The following LRP1B variants were observed in gnomAD, a reference collection of about 807,000 sequenced individuals.
LRP1B encodes LDL receptor related protein 1B, also known as low-density lipoprotein receptor-related protein 1B.
LRP1B carries 217 observed loss-of-function variants against 556.6 expected under a neutral mutation model. That is an observed-to-expected ratio of 0.39 (90% CI 0.35 to 0.44). LRP1B has a LOEUF of 0.44. Among genes scored for constraint, LRP1B ranks in the 20% least tolerant of loss-of-function variants. LRP1B has a pLI of 1.00. For synonymous variants in LRP1B, 2,047 were observed against 1,865.8 expected (o/e 1.10, Z -2.50); for missense variants, 5,053 against 5,620.8 (o/e 0.90, Z 3.23).
intron 3 of LRP1B, among the ~76,000 whole-genome samples, chr2:141,392,261 T>C (rs1690077834): frequency 6.6e-6 from 1 of 152,086 alleles, no homozygotes; most frequent in Non-Finnish European, 1.5e-5. Context: ...TAATTTTAGA[T>C]AAGTTATTTG....
intron 1 of LRP1B, among the ~76,000 whole-genome samples, chr2:142,016,903 C>T (rs12615774): frequency 3.8e-4 from 57 of 149,252 alleles, no homozygotes; most frequent in African/African-American, 1.3e-3. Flanking sequence ...TATACACACA[C>T]ATATATGTAT....
At chr2:142,128,250 T>C (rs1707725793) in intron 1 of LRP1B, among the ~76,000 whole-genome samples, 1 of 152,174 alleles carries the variant, frequency 6.6e-6, no homozygotes, top group African/African-American at 2.4e-5. Flanking sequence ...ACACTTCTGA[T>C]ATAGTTCATA....
chr2:140,371,743 C>T (rs890196660), intron 69 of LRP1B, among the ~76,000 whole-genome samples: 2 of 151,732 alleles, frequency 1.3e-5, no homozygotes, highest in Admixed American at 1.3e-4. Context: ...AGCACAAAGT[C>T]AAAATCTTGG....
chr2:142,121,150 G>T (rs929564520), intron 1 of LRP1B, among the ~76,000 whole-genome samples: 1 of 152,140 alleles, frequency 6.6e-6, no homozygotes, highest in Non-Finnish European at 1.5e-5. Context: ...GCAAATCTCT[G>T]TTGTAGCTTG....
intron 7 of LRP1B, among the ~76,000 whole-genome samples, chr2:141,090,499 C>A (rs767961324): frequency 6.6e-5 from 10 of 152,152 alleles, no homozygotes; most frequent in Non-Finnish European, 1.2e-4. Context: ...AAGATGCTAG[C>A]TTTTTGAAAA....
intron 77 of LRP1B, among the ~76,000 whole-genome samples, chr2:140,347,295 G>GA (rs545093323): frequency 4.0e-5 from 6 of 148,354 alleles, no homozygotes; most frequent in East Asian, 4.0e-4. Context: ...TTTCTTAAAC[G>GA]AAAAAAAAAT....
At chr2:141,974,751 C>A (rs547704262) in intron 1 of LRP1B, among the ~76,000 whole-genome samples, 1 of 152,040 alleles carries the variant, frequency 6.6e-6, no homozygotes, top group South Asian at 2.1e-4. Flanking sequence ...AGACAACTAG[C>A]CTGACAACTA....
chr2:141,246,823 G>T (rs2105325959), intron 5 of LRP1B, among the ~76,000 whole-genome samples: 1 of 152,198 alleles, frequency 6.6e-6, no homozygotes, highest in Admixed American at 6.5e-5. Context: ...AAATTAGCCA[G>T]GTATGGTGGT....
chr2:140,474,185 G>A (rs922825187), intron 60 of LRP1B, among the ~76,000 whole-genome samples: 1 of 151,818 alleles, frequency 6.6e-6, no homozygotes, highest in Admixed American at 6.6e-5. Context: ...CAGGAATATA[G>A]GTAAAATTAT....
chr2:141,324,683 G>T (rs1687373179), intron 3 of LRP1B, among the ~76,000 whole-genome samples: 1 of 152,062 alleles, frequency 6.6e-6, no homozygotes, highest in Non-Finnish European at 1.5e-5. Context: ...TCGAGGCAAG[G>T]ACATGAAGCC....
At chr2:140,556,425 T>C (rs1034016854) in intron 43 of LRP1B, among the ~76,000 whole-genome samples, 4 of 152,032 alleles carry the variant, frequency 2.6e-5, no homozygotes, top group Non-Finnish European at 5.9e-5. Flanking sequence ...GTCTAGTATA[T>C]TACTATTAGA....
At chr2:141,483,067 C>T (rs946871196) in intron 2 of LRP1B, among the ~76,000 whole-genome samples, 1 of 151,384 alleles carries the variant, frequency 6.6e-6, no homozygotes, top group African/African-American at 2.4e-5. Flanking sequence ...CACCCATTAA[C>T]TTGTCATTTA....
At position 141,503,453 on chromosome 2, in the gene LRP1B, C is replaced by A. The variant is rs111576398; in HGVS notation, c.206-22920G>T. On this transcript the variant is annotated intron_variant, in intron 2 of 90. Coordinates refer to ENST00000389484, the MANE Select transcript of LRP1B (RefSeq NM_018557.3). The stretch of plus-strand genomic sequence containing the variant: ...AATCTGAGAGTCAAATATCAATTGC[C>A]AAGTCTAAATTAAAATCTGTTACAT... Among the ~76,000 whole-genome samples, 867 of 151,770 alleles carry A rather than the reference C, an allele frequency of 5.7e-3. 14 individuals are homozygous for A. Among genetic ancestry groups the A allele is most frequent in the African/African-American group, 0.02 (830 of 41,432 alleles).
chr2:141,510,232 A>ACC (rs1341873506), intron 2 of LRP1B, among the ~76,000 whole-genome samples: 6 of 149,460 alleles, frequency 4.0e-5, no homozygotes, highest in African/African-American at 1.5e-4. Flanking sequence ...ACACACACAC[A>ACC]CACCCCCCAC....
intron 6 of LRP1B, chr2:141,208,191 T>C (rs1247746837): frequency 6.6e-6 from 1 of 152,260 alleles, no homozygotes; most frequent in African/African-American, 2.4e-5. Context: ...GGAGATGGAC[T>C]GATGGATAAC....
At chr2:140,248,271 A>G (rs916966685) in intron 86 of LRP1B, among the ~76,000 whole-genome samples, 17 of 151,800 alleles carry the variant, frequency 1.1e-4, no homozygotes, top group Admixed American at 3.3e-4. Context: ...ACAAAGTCAA[A>G]TAATAAACAT....
intron 1 of LRP1B, among the ~76,000 whole-genome samples, chr2:142,069,541 T>C (rs1375308294): frequency 6.6e-6 from 1 of 151,666 alleles, no homozygotes; most frequent in Admixed American, 6.6e-5. Flanking sequence ...CTGACATTCA[T>C]TCACTTAATC....
In LRP1B at chr2:140,352,841, A is replaced by C. The variant is rs1682034390; in HGVS notation, c.11650+112T>G. ...ACTGGCCAAATTAATCATCATTAAA[A>C]GTATTTTATCAGAAATGAAGCTGTT... On this transcript the variant is annotated intron_variant, in intron 76 of 90. Coordinates refer to ENST00000389484, the MANE Select transcript of LRP1B (RefSeq NM_018557.3). 27 of 1,042,062 alleles carry C rather than the reference A, an allele frequency of 2.6e-5. 2 individuals are homozygous for C. The South Asian group carries it at 3.2e-4, about 12-fold the overall frequency. The allele number at this position is 1,042,062 out of a possible 1,614,324, so 64.6% of individuals were successfully genotyped here.
At chr2:140,762,525 C>T (rs1247301654) in intron 35 of LRP1B, among the ~76,000 whole-genome samples, 2 of 152,056 alleles carry the variant, frequency 1.3e-5, no homozygotes, top group Non-Finnish European at 2.9e-5. Flanking sequence ...TTCTAATCCT[C>T]TTATGGGTGT....
Sources: gnomAD v4.1 joint callset for allele counts (sites outside exome capture counted in the v4.1 genomes callset) on GRCh38, gnomAD v4.1.1 for gene constraint, MANE v1.5 for transcripts, NCBI Gene and HGNC (gene_info 2026-07-23, HGNC 2026-07-21) for gene names.